The following NIM1K variants were observed in gnomAD, a reference collection of about 807,000 sequenced individuals.
NIM1K encodes NIM1 serine/threonine protein kinase, also known as serine/threonine-protein kinase NIM1.
NIM1K carries 35 observed loss-of-function variants against 37.1 expected under a neutral mutation model. That is an observed-to-expected ratio of 0.94 (90% CI 0.72 to 1.25). The LOEUF is 1.25. Ranked by LOEUF, NIM1K falls within the 50% of genes most tolerant of loss-of-function variation. The pLI is 0.00. For missense variants in NIM1K, 564 were observed against 548.0 expected (o/e 1.03, Z -0.29); for synonymous variants, 234 against 206.6 (o/e 1.13, Z -1.14).
intron 2 of NIM1K, among the ~76,000 whole-genome samples, chr5:43,272,965 G>T (rs1231820958): frequency 6.6e-6 from 1 of 152,016 alleles, no homozygotes; most frequent in Non-Finnish European, 1.5e-5. Context: ...TACCACCCTG[G>T]CACTAGGAGT....
intron 1 of NIM1K, among the ~76,000 whole-genome samples, chr5:43,240,657 C>A (rs1388093392): frequency 5.9e-5 from 9 of 151,592 alleles, no homozygotes; most frequent in Non-Finnish European, 1.0e-4. Flanking sequence ...GATTCTCCTG[C>A]CTCAGTAGCT....
At chr5:43,220,133 C>T (rs2112229154) in intron 1 of NIM1K, among the ~76,000 whole-genome samples, 2 of 152,248 alleles carry the variant, frequency 1.3e-5, no homozygotes, top group Admixed American at 1.3e-4. Flanking sequence ...ATCTAAGAAA[C>T]AATTGCCTAA....
At chr5:43,206,363 G>A (rs971607472) in intron 1 of NIM1K, among the ~76,000 whole-genome samples, 3 of 146,478 alleles carry the variant, frequency 2.0e-5, no homozygotes, top group Admixed American at 1.4e-4. Context: ...AGCCAGGAGG[G>A]GTGGTGCGTT....
At chr5:43,209,817 G>A (rs959909589) in intron 1 of NIM1K, among the ~76,000 whole-genome samples, 5 of 151,990 alleles carry the variant, frequency 3.3e-5, no homozygotes, top group Non-Finnish European at 5.9e-5. Flanking sequence ...GTTTCACCAC[G>A]TTAGCCAGGC....
intron 1 of NIM1K, among the ~76,000 whole-genome samples, chr5:43,238,630 C>T (rs1176001982): frequency 6.6e-6 from 1 of 151,762 alleles, no homozygotes; most frequent in African/African-American, 2.4e-5. Context: ...TGCACTGAAA[C>T]TTGGTTGGAA....
At chr5:43,213,654 C>T (rs1204490613) in intron 1 of NIM1K, among the ~76,000 whole-genome samples, 2 of 152,144 alleles carry the variant, frequency 1.3e-5, no homozygotes, top group Admixed American at 6.6e-5. Context: ...CCACCACGCC[C>T]GGCTTATTTT....
intron 2 of NIM1K, among the ~76,000 whole-genome samples, chr5:43,269,918 A>ATG (rs755544587): frequency 1.3e-5 from 2 of 151,854 alleles, no homozygotes; most frequent in East Asian, 3.9e-4. Context: ...GTGCCCGGCC[A>ATG]TGTGTGTGTG....
intron 1 of NIM1K, among the ~76,000 whole-genome samples, chr5:43,235,821 AC>A: frequency 6.6e-6 from 1 of 151,326 alleles, no homozygotes; most frequent in Middle Eastern, 3.5e-3. Context: ...TTGACTACGG[AC>A]CTATGAACTA....
At chr5:43,239,609 C>T (rs940039973) in intron 1 of NIM1K, among the ~76,000 whole-genome samples, 2 of 152,016 alleles carry the variant, frequency 1.3e-5, no homozygotes, top group African/African-American at 2.4e-5. Flanking sequence ...TCACTACAAC[C>T]TCCGCCTCCC....
intron 1 of NIM1K, chr5:43,232,136 C>A: frequency 9.8e-7 from 1 of 1,018,122 alleles, no homozygotes; most frequent in Non-Finnish European, 1.5e-6. Context: ...GGGCACCAAA[C>A]CACAAATTAG....
intron 1 of NIM1K, among the ~76,000 whole-genome samples, chr5:43,218,212 T>C (rs1752330835): frequency 1.3e-5 from 2 of 152,082 alleles, no homozygotes; most frequent in Middle Eastern, 6.8e-3. Context: ...GGTTTCACCA[T>C]GTTGGTCAGA....
chr5:43,227,668 G>A lies in NIM1K; in HGVS notation c.-694-17414G>A, dbSNP rs1752479340. Among the ~76,000 whole-genome samples, 3 of 152,168 alleles carry A rather than the reference G, an allele frequency of 2.0e-5. No homozygotes were observed. The South Asian group carries it at 6.2e-4, about 31-fold the overall frequency. The stretch of plus-strand genomic sequence containing the variant: ...GGAATTGGGCTATGCTATTTCACAA[G>A]TCCATCTAGGGTTTATTATGAGTTT... On this transcript the variant is annotated intron_variant, in intron 1 of 3. Coordinates refer to ENST00000326035, the MANE Select transcript of NIM1K (RefSeq NM_153361.4).
intron 1 of NIM1K, among the ~76,000 whole-genome samples, chr5:43,204,477 G>A (rs1355233740): frequency 6.6e-6 from 1 of 151,278 alleles, no homozygotes; most frequent in Non-Finnish European, 1.5e-5. Flanking sequence ...CGAGGCGGGT[G>A]GATCACCTGA....
At chr5:43,223,514 T>G (rs761209368) in intron 1 of NIM1K, among the ~76,000 whole-genome samples, 2 of 152,268 alleles carry the variant, frequency 1.3e-5, no homozygotes, top group Non-Finnish European at 2.9e-5. Context: ...ATATCTCATT[T>G]TCCACATTGC....
intron 2 of NIM1K, among the ~76,000 whole-genome samples, chr5:43,272,414 C>T (rs942409651): frequency 6.6e-6 from 1 of 152,050 alleles, no homozygotes; most frequent in African/African-American, 2.4e-5. Flanking sequence ...CTATCTGCCC[C>T]TCCAGATCTA....
intron 2 of NIM1K, among the ~76,000 whole-genome samples, chr5:43,271,187 T>C (rs1753251388): frequency 6.6e-6 from 1 of 152,188 alleles, no homozygotes; most frequent in Non-Finnish European, 1.5e-5. Context: ...AGCATGCTTC[T>C]TACTGCCCTT....
intron 1 of NIM1K, among the ~76,000 whole-genome samples, chr5:43,197,153 G>A (rs915162634): frequency 6.6e-6 from 1 of 151,492 alleles, no homozygotes; most frequent in Admixed American, 6.6e-5. Context: ...TTTATTTAGA[G>A]GCAGGATCTC....
At chr5:43,269,918 ATG>A (rs755544587) in intron 2 of NIM1K, among the ~76,000 whole-genome samples, 3 of 151,854 alleles carry the variant, frequency 2.0e-5, no homozygotes, top group African/African-American at 4.8e-5. Context: ...GTGCCCGGCC[ATG>A]TGTGTGTGTT....
At chr5:43,257,271 T>C (rs1752960415) in intron 2 of NIM1K, among the ~76,000 whole-genome samples, 2 of 151,958 alleles carry the variant, frequency 1.3e-5, no homozygotes, top group South Asian at 4.2e-4. Context: ...TTGGAGGTCA[T>C]TGGTGACCCT....
Sources: allele counts gnomAD v4.1 joint callset (sites outside exome capture counted in the v4.1 genomes callset), GRCh38; gene constraint gnomAD v4.1.1; transcripts MANE v1.5; gene names NCBI Gene and HGNC (gene_info 2026-07-23, HGNC 2026-07-21).